The following SPECC1 variants were observed in gnomAD, a reference collection of about 807,000 sequenced individuals.
SPECC1 encodes the protein cytospin-B.
SPECC1 carries 62 observed loss-of-function variants against 104.1 expected under a neutral mutation model. The observed-to-expected ratio is 0.60, with a 90% CI of 0.49 to 0.74. The LOEUF is 0.74. Ranked by LOEUF, SPECC1 falls within the 30% of genes least tolerant of loss-of-function variation. The pLI is 0.00. For missense variants in SPECC1, 1,306 were observed against 1,310.5 expected, an observed-to-expected ratio of 1.00 and a Z score of 0.05; for synonymous variants, 513 against 501.6, an observed-to-expected ratio of 1.02 and a Z score of -0.30.
At chr17:20,099,244 T>C (rs1294261460) in intron 2 of SPECC1, among the ~76,000 whole-genome samples, 2 of 152,216 alleles carry the variant, frequency 1.3e-5, no homozygotes, top group African/African-American at 4.8e-5. Flanking sequence ...CAGCACACTT[T>C]AAACTTAGAT....
At chr17:20,239,343 AC>A (rs1419246302) in intron 7 of SPECC1, 1 of 958,362 alleles carries the variant, frequency 1.0e-6, no homozygotes, top group Non-Finnish European at 1.3e-6. Context: ...ATCAGTGTTA[AC>A]AGTGTGTACA....
chr17:20,156,379 T>C (rs2032529070), intron 3 of SPECC1: 2 of 984,076 alleles, frequency 2.0e-6, no homozygotes, highest in East Asian at 6.6e-5. Flanking sequence ...GTCGTTGGAA[T>C]GCGCCGCTTG....
At chr17:20,220,287 C>A (rs2037791068) in intron 4 of SPECC1, among the ~76,000 whole-genome samples, 6 of 152,008 alleles carry the variant, frequency 3.9e-5, no homozygotes. Flanking sequence ...AACATATTGA[C>A]TTATCCAGTC....
intron 1 of SPECC1, among the ~76,000 whole-genome samples, chr17:20,069,409 C>G (rs1299633613): frequency 1.3e-5 from 2 of 152,150 alleles, no homozygotes; most frequent in Non-Finnish European, 2.9e-5. Flanking sequence ...CTTTTGATGT[C>G]ATCTCTAAGA....
intron 12 of SPECC1, among the ~76,000 whole-genome samples, chr17:20,291,496 C>CA (rs1170708213): frequency 6.6e-6 from 1 of 152,150 alleles, no homozygotes; most frequent in Admixed American, 6.6e-5. Context: ...AGAAAATGCA[C>CA]AGTGACAGGC....
At chr17:20,265,297 G>A (rs1390097528) in intron 12 of SPECC1, among the ~76,000 whole-genome samples, 5 of 152,194 alleles carry the variant, frequency 3.3e-5, no homozygotes, top group African/African-American at 7.2e-5. Context: ...TTTAATAATA[G>A]CCTCCTGGCT....
chr17:20,142,558 G>A (rs2030947359), intron 3 of SPECC1, among the ~76,000 whole-genome samples: 1 of 152,200 alleles, frequency 6.6e-6, no homozygotes, highest in Admixed American at 6.5e-5. Context: ...TGAGTAAAAG[G>A]ATTGTGTGAT....
chr17:20,048,690 G>A (rs1189263350), intron 1 of SPECC1, among the ~76,000 whole-genome samples: 1 of 152,034 alleles, frequency 6.6e-6, no homozygotes, highest in Non-Finnish European at 1.5e-5. Context: ...TGGATTGCTT[G>A]AGCCTAGGAG....
intron 7 of SPECC1, chr17:20,237,299 G>GTT: frequency 9.3e-7 from 1 of 1,076,730 alleles, no homozygotes; most frequent in African/African-American, 1.8e-5. Context: ...TGTTGTTGTT[G>GTT]TTGTTGTTTT....
intron 1 of SPECC1, among the ~76,000 whole-genome samples, chr17:20,095,472 C>T (rs1227421212): frequency 1.3e-5 from 2 of 152,180 alleles, no homozygotes; most frequent in Admixed American, 1.3e-4. Flanking sequence ...ACACACGCCA[C>T]CAGCTGGTCA....
chr17:20,023,301 T>C (rs1372949915), intron 1 of SPECC1, among the ~76,000 whole-genome samples: 6 of 152,220 alleles, frequency 3.9e-5, no homozygotes, highest in Non-Finnish European at 8.8e-5. Flanking sequence ...AGACTTAATT[T>C]TGTCTTCCTT....
intron 12 of SPECC1, among the ~76,000 whole-genome samples, chr17:20,281,106 T>C (rs1367552411): frequency 2.0e-5 from 3 of 152,202 alleles, no homozygotes; most frequent in Non-Finnish European, 4.4e-5. Flanking sequence ...GTTCTTAGCA[T>C]GGCCGGTCGG....
intron 1 of SPECC1, among the ~76,000 whole-genome samples, chr17:20,051,100 C>CT (rs771897572): frequency 1.7e-5 from 2 of 120,748 alleles, no homozygotes; most frequent in South Asian, 5.9e-4. Context: ...TTCTTTCTTT[C>CT]TTTCTTTCTT....
intron 1 of SPECC1, among the ~76,000 whole-genome samples, chr17:20,089,207 GAACTATA>G (rs1255754774): frequency 6.6e-6 from 1 of 152,148 alleles, no homozygotes; most frequent in Non-Finnish European, 1.5e-5. Flanking sequence ...CCTTGTTGCT[GAACTATA>G]AAATGGGGAT....
intron 12 of SPECC1, among the ~76,000 whole-genome samples, chr17:20,284,688 C>A (rs944003414): frequency 1.3e-5 from 2 of 152,230 alleles, no homozygotes; most frequent in African/African-American, 4.8e-5. Flanking sequence ...GAGGAATGAG[C>A]TGCTTTTATC....
At chr17:20,056,341 C>A in intron 1 of SPECC1, 1 of 190,462 alleles carries the variant, frequency 5.3e-6, no homozygotes, top group East Asian at 1.3e-4. Context: ...CCCGCAGAAG[C>A]CTGCACTGAA....
chr17:20,231,183 C>A (rs2038549997), intron 5 of SPECC1, among the ~76,000 whole-genome samples: 1 of 152,180 alleles, frequency 6.6e-6, no homozygotes, highest in African/African-American at 2.4e-5. Flanking sequence ...ATGCACACAT[C>A]CCCGGGTTCT....
chr17:20,178,285 C>T (rs1056328246), intron 3 of SPECC1, among the ~76,000 whole-genome samples: 2 of 152,114 alleles, frequency 1.3e-5, no homozygotes, highest in African/African-American at 2.4e-5. Context: ...TCTCTTGAGA[C>T]GTGAGATCAG....
At chr17:20,242,693 G>T (rs991398959) in intron 7 of SPECC1, among the ~76,000 whole-genome samples, 1 of 152,150 alleles carries the variant, frequency 6.6e-6, no homozygotes, top group Non-Finnish European at 1.5e-5. Context: ...ATGCATTATA[G>T]AAAATTTGAG....
Sources: allele counts gnomAD v4.1 joint callset (sites outside exome capture counted in the v4.1 genomes callset), GRCh38; gene constraint gnomAD v4.1.1; transcripts MANE v1.5; gene names NCBI Gene and HGNC (gene_info 2026-07-23, HGNC 2026-07-21).